Variants in ZC3H12B observed in about 807,000 individuals in gnomAD.
ZC3H12B encodes the protein probable ribonuclease ZC3H12B.
In ZC3H12B, 7 loss-of-function variants were observed where a neutral mutation model predicts 43.9. The ratio of observed to expected loss-of-function variants is 0.16; its 90% CI spans 0.09 to 0.30. The LOEUF is 0.30. Ranked by LOEUF, ZC3H12B falls within the 10% of genes least tolerant of loss-of-function variation. ZC3H12B has a pLI of 1.00. For missense variants in ZC3H12B, 475 were observed against 670.2 expected, an observed-to-expected ratio of 0.71 and a Z score of 3.22; for synonymous variants, 222 against 241.7, an observed-to-expected ratio of 0.92 and a Z score of 0.76.
chrX:65,340,609 A>G, the ZC3H12B span, among the ~76,000 whole-genome samples: 4 of 112,035 alleles, frequency 3.6e-5, no homozygotes, highest in Non-Finnish European at 5.6e-5. Flanking sequence ...ATGGTTCCCT[A>G]AAATCTTCCA....
At chrX:65,225,043 G>A in the ZC3H12B span, among the ~76,000 whole-genome samples, 26 of 111,785 alleles carry the variant, frequency 2.3e-4, no homozygotes, top group Non-Finnish European at 4.0e-4. Context: ...TCATGCAGCT[G>A]GAGATCTGAG....
chrX:65,071,604 A>G, the ZC3H12B span, among the ~76,000 whole-genome samples: 1 of 110,983 alleles, frequency 9.0e-6, no homozygotes, highest in Non-Finnish European at 1.9e-5. Context: ...TTTCTTTTTG[A>G]TATATAGTGT....
chrX:65,153,583 G>T, the ZC3H12B span, among the ~76,000 whole-genome samples: 1 of 111,783 alleles, frequency 8.9e-6, no homozygotes. Flanking sequence ...GGAAACAACA[G>T]GTGCTGGAGA....
chrX:65,154,414 A>T, the ZC3H12B span, among the ~76,000 whole-genome samples: 2 of 111,743 alleles, frequency 1.8e-5, no homozygotes, highest in Non-Finnish European at 3.8e-5. Context: ...CAGTTTAGGC[A>T]TTAATTTTCC....
chrX:65,296,530 C>T, the ZC3H12B span, among the ~76,000 whole-genome samples: 1 of 110,534 alleles, frequency 9.0e-6, no homozygotes, highest in South Asian at 3.9e-4. Flanking sequence ...CAGACACACA[C>T]ACAGTCCAGG....
At chrX:65,337,244 C>T in the ZC3H12B span, among the ~76,000 whole-genome samples, 6 of 111,701 alleles carry the variant, frequency 5.4e-5, no homozygotes, top group East Asian at 1.4e-3. Context: ...TCCTCAGTAT[C>T]GTCCCTTTGG....
the ZC3H12B span, among the ~76,000 whole-genome samples, chrX:65,202,631 T>C: frequency 7.6e-4 from 84 of 111,204 alleles, no homozygotes; most frequent in African/African-American, 2.5e-3. Context: ...TTCCTGGCGC[T>C]TGGGCAAGGG....
At chrX:65,347,738 G>A in the ZC3H12B span, among the ~76,000 whole-genome samples, 1 of 112,253 alleles carries the variant, frequency 8.9e-6, no homozygotes, top group Non-Finnish European at 1.9e-5. Flanking sequence ...ATTACTGGGT[G>A]TATACCCAAA....
the ZC3H12B span, among the ~76,000 whole-genome samples, chrX:65,081,470 G>C: frequency 9.0e-6 from 1 of 111,304 alleles, no homozygotes; most frequent in Non-Finnish European, 1.9e-5. Context: ...AACCAAAAAA[G>C]AGCAAGAATA....
chrX:65,360,060 ATTGT>A, the ZC3H12B span, among the ~76,000 whole-genome samples: 1 of 112,278 alleles, frequency 8.9e-6, no homozygotes, highest in Non-Finnish European at 1.9e-5. Flanking sequence ...GGTTCAGATG[ATTGT>A]TAGCATTTTC....
chrX:65,093,564 A>G, the ZC3H12B span, among the ~76,000 whole-genome samples: 2 of 112,225 alleles, frequency 1.8e-5, no homozygotes, highest in Non-Finnish European at 3.8e-5. Context: ...GGTGTAAGAC[A>G]TGGATTCAAA....
the ZC3H12B span, among the ~76,000 whole-genome samples, chrX:65,067,974 C>A: frequency 9.1e-6 from 1 of 110,484 alleles, no homozygotes; most frequent in Non-Finnish European, 1.9e-5. Context: ...AATTTTTTTT[C>A]TTAATTTCTT....
chrX:65,331,178 C>T, the ZC3H12B span: 30 of 195,182 alleles, frequency 1.5e-4, no homozygotes, highest in Middle Eastern at 2.2e-3. Context: ...TCCAAGAGAG[C>T]GCAGCACTCA....
the ZC3H12B span, among the ~76,000 whole-genome samples, chrX:65,131,606 T>C: frequency 9.0e-6 from 1 of 111,371 alleles, no homozygotes; most frequent in Non-Finnish European, 1.9e-5. Flanking sequence ...CTAGGTTTGC[T>C]TTTGTGAGTT....
exon 5 of ZC3H12B, chrX:65,504,986 T>G (rs1330970363): frequency 8.9e-6 from 1 of 112,878 alleles, no homozygotes; most frequent in African/African-American, 3.2e-5. Flanking sequence ...AAATGAGTTA[T>G]TAGAAGGCAG....
chrX:65,122,577 GAGAC>G, the ZC3H12B span, among the ~76,000 whole-genome samples: 1 of 111,397 alleles, frequency 9.0e-6, no homozygotes, highest in African/African-American at 3.3e-5. Context: ...CCAATTAAAA[GAGAC>G]AGACTGGCAA....
At chrX:65,243,505 G>C in the ZC3H12B span, among the ~76,000 whole-genome samples, 1 of 112,095 alleles carries the variant, frequency 8.9e-6, no homozygotes, top group African/African-American at 3.2e-5. Flanking sequence ...ATGGGGAACT[G>C]TGTACATTCT....
At chrX:65,130,549 G>A in the ZC3H12B span, among the ~76,000 whole-genome samples, 1 of 111,271 alleles carries the variant, frequency 9.0e-6, no homozygotes, top group African/African-American at 3.3e-5. Flanking sequence ...AACAATCCCT[G>A]AGGAGTAGTA....
the ZC3H12B span, among the ~76,000 whole-genome samples, chrX:65,122,351 C>A: frequency 9.0e-6 from 1 of 110,835 alleles, no homozygotes; most frequent in South Asian, 3.8e-4. Flanking sequence ...ATTTTGTCAC[C>A]ACCAGGCCTG....
Sources: gnomAD v4.1 joint callset for allele counts (sites outside exome capture counted in the v4.1 genomes callset) on GRCh38, gnomAD v4.1.1 for gene constraint, MANE v1.5 for transcripts, NCBI Gene and HGNC (gene_info 2026-07-23, HGNC 2026-07-21) for gene names.